The following ADGRG6 variants were observed in gnomAD, a reference collection of about 807,000 sequenced individuals.
The protein encoded by ADGRG6 is G-protein coupled receptor 126.
A neutral mutation model predicts 142.4 loss-of-function variants in ADGRG6; 84 were observed. The observed-to-expected ratio is 0.59, with a 90% CI of 0.49 to 0.71. The LOEUF (loss-of-function observed/expected upper bound fraction) is 0.71. Among genes scored for constraint, ADGRG6 ranks in the 30% least tolerant of loss-of-function variants. ADGRG6 has a pLI of 0.00. For synonymous variants in ADGRG6, 521 were observed against 520.5 expected (o/e 1.00, Z -0.01); for missense variants, 1,367 against 1,466.6 (o/e 0.93, Z 1.11).
chr6:142,387,987 A>G (rs141612111), intron 6 of ADGRG6, among the ~76,000 whole-genome samples: 1 of 152,346 alleles, frequency 6.6e-6, no homozygotes, highest in African/African-American at 2.4e-5. Flanking sequence ...AATAGCTTTT[A>G]AAACACCGTG....
rs140121385 is a variant in ADGRG6 at position 142,304,991 on chromosome 6, C to T, written c.2+2660C>T. Among the ~76,000 whole-genome samples the T allele has an allele frequency of 9.8e-3, 1,484 of 151,944 alleles. 27 individuals are homozygous for T. The highest frequency in any genetic ancestry group is 0.034 in the African/African-American group (1,419 of 41,444). On this transcript the variant is annotated intron_variant, in intron 1 of 24. Transcript: ENST00000367609. ...ATGCCTTAAAAAAAAGCTTCAAGAT[C>T]CATTTATTTAAAACAGAGCAAATAT...
At chr6:142,313,576 A>C (rs554326425) in intron 2 of ADGRG6, among the ~76,000 whole-genome samples, 88 of 152,190 alleles carry the variant, frequency 5.8e-4, no homozygotes, top group Non-Finnish European at 1.1e-3. Flanking sequence ...AACAGCTACC[A>C]GGGGAAATGT....
intron 2 of ADGRG6, among the ~76,000 whole-genome samples, chr6:142,344,138 C>A (rs1206343565): frequency 6.6e-6 from 1 of 151,688 alleles, no homozygotes; most frequent in East Asian, 1.9e-4. Flanking sequence ...ATTTATTATT[C>A]TGTGAAATGT....
Position 142,445,833 on chromosome 6 carries a change from T to A in ADGRG6, c.*2318T>A, listed in dbSNP as rs986514505. On this transcript the variant is annotated 3_prime_UTR_variant, in exon 25 of 25. Coordinates refer to ENST00000367609, the MANE Select transcript of ADGRG6 (RefSeq NM_198569.3). ...ATCAATTCAGACTCTCTTTTCATTA[T>A]GTTTTCTTTTCTTTTTCCCTCTTTT... 5.9e-5 allele frequency: 9 copies of A among 152,198 alleles called. No individual in the cohort carries two copies. Among genetic ancestry groups the A allele is most frequent in the African/African-American group, 1.7e-4 (7 of 41,466 alleles). The allele number at this position is 152,198 out of a possible 1,614,324, so 9.4% of individuals were successfully genotyped here.
At chr6:142,362,499 A>G (rs1780772257) in intron 2 of ADGRG6, among the ~76,000 whole-genome samples, 1 of 152,176 alleles carries the variant, frequency 6.6e-6, no homozygotes, top group Non-Finnish European at 1.5e-5. Flanking sequence ...CCTCAAGTGT[A>G]GAAATGCTAT....
At chr6:142,302,388 T>A in intron 1 of ADGRG6, 57 bp downstream of exon 1, 2 of 1,581,164 alleles carry the variant, frequency 1.3e-6, no homozygotes, top group Non-Finnish European at 1.7e-6. Flanking sequence ...GTCCACCTTC[T>A]GTCGCCCCCT....
chr6:142,325,370 AG>A (rs1778722981), intron 2 of ADGRG6, among the ~76,000 whole-genome samples: 1 of 152,144 alleles, frequency 6.6e-6, no homozygotes, highest in Non-Finnish European at 1.5e-5. Context: ...ATCTCCCACG[AG>A]GCTTGTAGCT....
chr6:142,371,474 G>GGT (rs1554243621), intron 4 of ADGRG6, among the ~76,000 whole-genome samples: 12 of 108,206 alleles, frequency 1.1e-4, no homozygotes, highest in Non-Finnish European at 1.8e-4. Context: ...GCCAGTTACT[G>GGT]TTTTTTTTTG....
intron 2 of ADGRG6, among the ~76,000 whole-genome samples, chr6:142,344,971 C>T (rs150978136): frequency 5.7e-4 from 86 of 152,016 alleles, no homozygotes; most frequent in African/African-American, 2.0e-3. Flanking sequence ...AATACTGAGG[C>T]TACAACATAG....
At chr6:142,310,631 G>C (rs1467198262) in intron 2 of ADGRG6, among the ~76,000 whole-genome samples, 1 of 151,712 alleles carries the variant, frequency 6.6e-6, no homozygotes, top group Non-Finnish European at 1.5e-5. Context: ...ATTGAGATGT[G>C]AAAACTTTTT....
At chr6:142,401,186 A>T (rs999908581) in intron 11 of ADGRG6, among the ~76,000 whole-genome samples, 3 of 152,196 alleles carry the variant, frequency 2.0e-5, no homozygotes, top group African/African-American at 2.4e-5. Context: ...CTAAGCATAA[A>T]TACTTTGCAT....
intron 4 of ADGRG6, among the ~76,000 whole-genome samples, chr6:142,375,185 T>C (rs1781446024): frequency 6.6e-6 from 1 of 152,224 alleles, no homozygotes; most frequent in Non-Finnish European, 1.5e-5. Context: ...TCTTAAACTC[T>C]GTCCCTGAGA....
rs767130740 is a variant in ADGRG6, at chr6:142,370,568, A to T, written c.844A>T (p.Ser282Cys). ...YETVPCDSTISKVIPGNGKLL... is the reference protein window; with the variant it reads ...YETVPCDSTICKVIPGNGKLL... ...AACAGTTCCATGTGATTCTACCATT[A>T]GTAAAGTTATTCCTGGGAATGGGAA... The change falls in exon 4 of 25, where the codon AGT becomes TGT. Residue 282 changes from serine (S) to cysteine (C), a missense_variant. Transcript: ENST00000367609. The T allele has an allele frequency of 2.4e-5, 38 of 1,612,500 alleles. No individual in the cohort carries two copies. The highest frequency in any genetic ancestry group is 3.4e-6 in the Non-Finnish European group (4 of 1,178,762).
intron 2 of ADGRG6, among the ~76,000 whole-genome samples, chr6:142,344,239 A>G (rs1779791563): frequency 6.6e-6 from 1 of 152,002 alleles, no homozygotes; most frequent in Admixed American, 6.6e-5. Flanking sequence ...TCAAAATTGT[A>G]AAACAAATAC....
chr6:142,334,152 G>A (rs923001492), intron 2 of ADGRG6, among the ~76,000 whole-genome samples: 2 of 152,058 alleles, frequency 1.3e-5, no homozygotes, highest in South Asian at 2.1e-4. Context: ...TGAAATTCTA[G>A]AAATATGATC....
intron 6 of ADGRG6, among the ~76,000 whole-genome samples, chr6:142,386,606 A>G (rs1450261448): frequency 6.6e-6 from 1 of 152,210 alleles, no homozygotes; most frequent in Non-Finnish European, 1.5e-5. Context: ...AACAATCACC[A>G]ATATGGGGGT....
Position 142,404,703 on chromosome 6 carries a change from C to G in ADGRG6, c.2127+730C>G, listed in dbSNP as rs9496370. ...CTAGAGGACTTGTTAAAACAGATTT[C>G]TGGGACCTACTCCAGGAGTTTCTGA... On this transcript the variant is annotated intron_variant, in intron 14 of 24. Transcript: ENST00000367609. Among the ~76,000 whole-genome samples, 733 of 152,156 alleles carry G rather than the reference C, an allele frequency of 4.8e-3. 9 individuals are homozygous for G. The highest frequency in any genetic ancestry group is 0.017 in the African/African-American group (695 of 41,524).
chr6:142,438,982 C>T (rs1394421609), intron 24 of ADGRG6, among the ~76,000 whole-genome samples: 1 of 152,050 alleles, frequency 6.6e-6, no homozygotes, highest in East Asian at 1.9e-4. Flanking sequence ...CTGACGACAC[C>T]ATGGAAATAA....
chr6:142,430,093 T>G (rs1025071370), intron 22 of ADGRG6, among the ~76,000 whole-genome samples: 1 of 151,944 alleles, frequency 6.6e-6, no homozygotes, highest in African/African-American at 2.4e-5. Context: ...CCTGCCAGAG[T>G]ATGTTATGCT....
Sources: allele counts gnomAD v4.1 joint callset (sites outside exome capture counted in the v4.1 genomes callset), GRCh38; gene constraint gnomAD v4.1.1; transcripts MANE v1.5; gene names NCBI Gene and HGNC (gene_info 2026-07-23, HGNC 2026-07-21).